MICALL2: variants seen among roughly 807,000 people sequenced by gnomAD.
MICALL2 encodes MICAL like 2.
Under a neutral mutation model 91.1 loss-of-function variants are expected in MICALL2, and 111 were observed. The observed-to-expected ratio is 1.22, with a 90% CI of 1.04 to 1.43. MICALL2 has a LOEUF of 1.43. Among genes scored for constraint, MICALL2 ranks in the 40% most tolerant of loss-of-function variants. The pLI is 0.00. For synonymous variants in MICALL2, 694 were observed against 525.3 expected, an observed-to-expected ratio of 1.32 and a Z score of -4.39; for missense variants, 1,556 against 1,236.0, an observed-to-expected ratio of 1.26 and a Z score of -3.88.
intron 1 of MICALL2, among the ~76,000 whole-genome samples, chr7:1,457,838 C>A (rs1223667835): frequency 6.6e-6 from 1 of 152,256 alleles, no homozygotes. Context: ...CACCAGCCAG[C>A]CTCATCCAGG....
Position 1,439,934 on chromosome 7 carries a change from T to TGGGTCCTGGGCTGGCTGGGCGTG in MICALL2, c.1934_1956dup (p.Ser653HisfsTer80). 3 of 1,470,668 alleles carry TGGGTCCTGGGCTGGCTGGGCGTG rather than the reference T, an allele frequency of 2.0e-6. No individual in the cohort carries two copies. The highest frequency in any genetic ancestry group is 1.8e-6 in the Non-Finnish European group (2 of 1,117,106). 91.1% of individuals were successfully genotyped at this position (1,470,668 alleles called of 1,614,324 possible). On this transcript the variant is annotated frameshift_variant, in exon 9 of 17. Transcript: ENST00000297508. LOFTEE classifies it high-confidence loss of function. Reference sequence around the variant, plus strand: ...TCCCGTCCAGGAGTACCTGGGAGGCTGGGTCCTGGGCTGGCTGGGCGTGGG... The same window carrying TGGGTCCTGGGCTGGCTGGGCGTG: ...TCCCGTCCAGGAGTACCTGGGAGGCTGGGTCCTGGGCTGGCTGGGCGTGGGGTCCTGGGCTGGCTGGGCGTGGG...
rs375041028 is a variant in MICALL2, at chr7:1,438,949, G to A, written c.2013C>T (p.Ala671=). The change falls in exon 10 of 17, where the codon GCC becomes GCT. Residue 671 remains alanine (A), a synonymous_variant. Coordinates refer to ENST00000297508, the MANE Select transcript of MICALL2 (RefSeq NM_182924.4). ...GCCAGTTGTCACAAACGTCGAGGCT[G>A]GCAGGGACGGCCAGTCTCCTGCGGC... The part of the protein sequence containing the change: ...PPRRRRLAVP[A]SLDVCDNWLR... 820 of 1,603,816 alleles carry A rather than the reference G, an allele frequency of 5.1e-4. 18 individuals are homozygous for A. The South Asian group carries it at 7.1e-3, about 14-fold the overall frequency.
chr7:1,445,026 C>T lies in MICALL2; in HGVS notation c.1044G>A (p.Trp348Ter). ...PRVTNSSPMG[W>*]SSAAPCTAAA... ...CTGCTGTGCACGGGGCAGCTGACGA[C>T]CAGCCCATCGGGGAGCTATTGGTCA... Residue 348 changes from tryptophan (W) to a stop codon, truncating the protein, a stop_gained, in exon 6 of 17, where the codon TGG becomes TGA. Transcript: ENST00000297508. LOFTEE classifies it high-confidence loss of function. 1 of 1,528,270 alleles carries T rather than the reference C, an allele frequency of 6.5e-7. No individual in the cohort carries two copies. The allele number at this position is 1,528,270 out of a possible 1,614,324, so 94.7% of individuals were successfully genotyped here. A position where few individuals can be genotyped will look rare whatever the true frequency, so the allele number is the denominator to read the frequency against.
chr7:1,444,659 G>A lies in MICALL2; in HGVS notation c.1411C>T (p.Pro471Ser), dbSNP rs1289280842. 1 of 1,609,706 alleles carries A rather than the reference G, an allele frequency of 6.2e-7. No individual in the cohort carries two copies. Among genetic ancestry groups the A allele is most frequent in the Non-Finnish European group, 8.5e-7 (1 of 1,179,596 alleles). Residue 471 changes from proline to serine, a missense_variant, in exon 6 of 17, where the codon CCT becomes TCT. Transcript: ENST00000297508. Reference sequence around the variant, plus strand: ...CGGTCCCCACGCGCTCACCTGCCAGGCGCCGGAGCGCCAGCCTCTTCCAGC... The same window carrying A: ...CGGTCCCCACGCGCTCACCTGCCAGACGCCGGAGCGCCAGCCTCTTCCAGC... ...SALEEAGAPA[P>S]GRPSPATAAV...
Position 1,434,591 on chromosome 7 carries a change from G to C in MICALL2, c.*5C>G. ...TCCGGGCCGAGCCCACGGCCCTACT[G>C]GCTACTACTGGGAGGGGCTGCTTTT... On this transcript the variant is annotated 3_prime_UTR_variant, in exon 17 of 17. Coordinates refer to ENST00000297508, the MANE Select transcript of MICALL2 (RefSeq NM_182924.4). 1 of 1,607,884 alleles carries C rather than the reference G, an allele frequency of 6.2e-7. No homozygotes were observed. The highest frequency in any genetic ancestry group is 8.5e-7 in the Non-Finnish European group (1 of 1,176,778).
intron 10 of MICALL2, chr7:1,438,610 G>A (rs1024371977): frequency 2.7e-5 from 39 of 1,421,716 alleles, no homozygotes; most frequent in Non-Finnish European, 3.3e-5. Flanking sequence ...CAAGCTGCCA[G>A]AAGCAGACAT....
In MICALL2 at chr7:1,438,884, C is replaced by T. The variant is rs1419633281; in HGVS notation, c.2078G>A (p.Ser693Asn). Reference sequence around the variant, plus strand: ...AGGTTTCTTCTCCTCCTCCTTCCAGCTCTGCACTCGGGCTTCCTGGCCAGG... The same window carrying T: ...AGGTTTCTTCTCCTCCTCCTTCCAGTTCTGCACTCGGGCTTCCTGGCCAGG... ...EPPGQEARVQSWKEEEKKPHL... is the reference protein window; with the variant it reads ...EPPGQEARVQNWKEEEKKPHL... The change falls in exon 10 of 17, where the codon AGC becomes AAC. Residue 693 changes from serine to asparagine, a missense_variant. Coordinates refer to ENST00000297508, the MANE Select transcript of MICALL2 (RefSeq NM_182924.4). 3 of 1,610,908 alleles carry T rather than the reference C, an allele frequency of 1.9e-6. No homozygotes were observed. Among genetic ancestry groups the T allele is most frequent in the East Asian group, 4.5e-5 (2 of 44,884 alleles).
At chr7:1,450,134 C>T in intron 2 of MICALL2, 106 bp downstream of exon 2, 1 of 864,592 alleles carries the variant, frequency 1.2e-6, no homozygotes, top group Non-Finnish European at 1.9e-6. Context: ...GGCAGGACTC[C>T]CAAGGCAGGT....
chr7:1,437,317 G>T, intron 14 of MICALL2: 1 of 496,794 alleles, frequency 2.0e-6, no homozygotes, highest in Non-Finnish European at 3.6e-6. Flanking sequence ...TCCTCACTTT[G>T]CAGAGGATGA....
chr7:1,442,117 C>G, intron 7 of MICALL2, 75 bp downstream of exon 7: 1 of 1,518,056 alleles, frequency 6.6e-7, no homozygotes. Context: ...ACCGCACACA[C>G]TGCAGAGTGC....
At position 1,444,635 on chromosome 7, in the gene MICALL2, G is replaced by A. The variant is rs371174888; in HGVS notation, c.1418+17C>T. 436 of 1,602,192 alleles carry A rather than the reference G, an allele frequency of 2.7e-4. 1 individual carries two copies. In the African/African-American group the frequency reaches 4.4e-3, roughly 16 times the overall value. On this transcript the variant is annotated intron_variant, in intron 6 of 16. Transcript: ENST00000297508. Reference sequence around the variant, plus strand: ...AAAGAGGCCATACCCGGGGTCCCTCGGTCCCCACGCGCTCACCTGCCAGGC... The same window carrying A: ...AAAGAGGCCATACCCGGGGTCCCTCAGTCCCCACGCGCTCACCTGCCAGGC...
rs1780864525 is a variant in MICALL2, at chr7:1,452,324, G to A, written c.144-2036C>T. ...GCCTGGGCTTGTCCCCCGAGAGGGT[G>A]TGACCCGAGGGCACGTGGGTGGCTG... is the stretch of plus-strand genomic sequence containing the variant. On this transcript the variant is annotated intron_variant, in intron 1 of 16. Transcript: ENST00000297508. This position sits in a 1 kb window ranked among gnomAD's most constrained non-coding sequence, Gnocchi z 6.2. Among the ~76,000 whole-genome samples the A allele has an allele frequency of 6.6e-6, 1 of 152,114 alleles. No homozygotes were observed. Among genetic ancestry groups the A allele is most frequent in the Non-Finnish European group, 1.5e-5 (1 of 68,006 alleles).
chr7:1,438,676 T>G, intron 10 of MICALL2, 164 bp downstream of exon 10: 1 of 1,447,858 alleles, frequency 6.9e-7, no homozygotes, highest in Non-Finnish European at 9.1e-7. Flanking sequence ...GGGTCTCTAT[T>G]CATGAGGGCG....
chr7:1,451,174 C>G lies in MICALL2; in HGVS notation c.144-886G>C, dbSNP rs989883102. Among the ~76,000 whole-genome samples, 2 of 152,142 alleles carry G rather than the reference C, an allele frequency of 1.3e-5. No individual in the cohort carries two copies. Among genetic ancestry groups the G allele is most frequent in the African/African-American group, 4.8e-5 (2 of 41,426 alleles). ...TCCCCGGCCAGCCTGGACAGCAGGG[C>G]CCTTCTGGGGACGCCAAGAGGACAG... On this transcript the variant is annotated intron_variant, in intron 1 of 16. Coordinates refer to ENST00000297508, the MANE Select transcript of MICALL2 (RefSeq NM_182924.4). This position sits in a 1 kb window ranked among gnomAD's most constrained non-coding sequence, Gnocchi z 4.5.
At chr7:1,439,865 C>A in intron 9 of MICALL2, 60 bp downstream of exon 9, 1 of 1,366,396 alleles carries the variant, frequency 7.3e-7, no homozygotes, top group South Asian at 1.8e-5. Context: ...CCGGGGCCCC[C>A]ACCCAAGGGG....
At chr7:1,434,981 A>AGCCCCCCCCCCC in intron 16 of MICALL2, 120 bp downstream of exon 16, 1 of 372,302 alleles carries the variant, frequency 2.7e-6, no homozygotes, top group Non-Finnish European at 4.9e-6. Flanking sequence ...GGGACCCGAT[A>AGCCCCCCCCCCC]CCCGCCCCCC....
At position 1,458,432 on chromosome 7, in the gene MICALL2, A is replaced by C. The variant is rs559782155; in HGVS notation, c.143+752T>G. Among the ~76,000 whole-genome samples, 16 of 152,370 alleles carry C rather than the reference A, an allele frequency of 1.1e-4. No individual in the cohort carries two copies. The South Asian group carries it at 2.7e-3, about 26-fold the overall frequency. ...TGAGCGTCTGGCCCCCAGCCCCGAC[A>C]CACAGATCTCTGTCCCAGCAAGCCT... On this transcript the variant is annotated intron_variant, in intron 1 of 16. Transcript: ENST00000297508.
At chr7:1,449,376 G>A (rs189647020) in intron 2 of MICALL2, among the ~76,000 whole-genome samples, 38 of 152,260 alleles carry the variant, frequency 2.5e-4, no homozygotes, top group Admixed American at 8.5e-4. Flanking sequence ...GGAGCGCAGC[G>A]TCAGCTCACT....
chr7:1,453,258 A>G (rs998727925), intron 1 of MICALL2, among the ~76,000 whole-genome samples: 17 of 152,074 alleles, frequency 1.1e-4, no homozygotes, highest in African/African-American at 3.6e-4. Context: ...CTTTGGAGAT[A>G]AGAGAATTCA....
Sources: allele counts gnomAD v4.1 joint callset (sites outside exome capture counted in the v4.1 genomes callset), GRCh38; gene constraint gnomAD v4.1.1; non-coding constraint Gnocchi (gnomAD v3.1); transcripts MANE v1.5; gene names NCBI Gene and HGNC (gene_info 2026-07-23, HGNC 2026-07-21).